Variants in RASAL2 observed in about 807,000 individuals in gnomAD.
The protein encoded by RASAL2 is RAS protein activator like 2.
Under a neutral mutation model 128.9 loss-of-function variants are expected in RASAL2, and 58 were observed. The ratio of observed to expected loss-of-function variants is 0.45; its 90% CI spans 0.36 to 0.56. The LOEUF (loss-of-function observed/expected upper bound fraction) is 0.56. RASAL2 is among the 20% of genes least tolerant of loss of function. The probability of loss-of-function intolerance (pLI) is 0.00; values close to 1 mark genes in which losing one functional copy is unlikely to be tolerated. For missense variants in RASAL2, 1,360 were observed against 1,601.6 expected (o/e 0.85, Z 2.57); for synonymous variants, 561 against 580.8 (o/e 0.97, Z 0.49).
At position 178,438,539 on chromosome 1, in the gene RASAL2, T is replaced by C. The variant is rs77890663; in HGVS notation, c.675-883T>C. Among the ~76,000 whole-genome samples the C allele has an allele frequency of 1.8e-3, 271 of 152,058 alleles. 3 individuals carry two copies. Among genetic ancestry groups the C allele is most frequent in the East Asian group, 8.4e-3 (43 of 5,146 alleles). On this transcript the variant is annotated intron_variant, in intron 5 of 17. Coordinates refer to ENST00000367649, the MANE Select transcript of RASAL2 (RefSeq NM_170692.4). ...CATCCAGTTTGGGATTCAAGAATAT[T>C]GTACTTACGTTTGACTCCTTTAATT...
chr1:178,456,400 C>A, intron 12 of RASAL2: 1 of 383,916 alleles, frequency 2.6e-6, no homozygotes, highest in Non-Finnish European at 4.9e-6. Context: ...TAGTTTGCTT[C>A]GCATGCCTAT....
intron 1 of RASAL2, among the ~76,000 whole-genome samples, chr1:178,115,634 A>T (rs1659497453): frequency 6.6e-6 from 1 of 152,226 alleles, no homozygotes; most frequent in South Asian, 2.1e-4. Context: ...GGCATAGTAT[A>T]AGGCTAGAGA....
At chr1:178,300,505 C>G (rs981223828) in intron 3 of RASAL2, among the ~76,000 whole-genome samples, 1 of 152,118 alleles carries the variant, frequency 6.6e-6, no homozygotes, top group Non-Finnish European at 1.5e-5. Context: ...GTGTCTTGTT[C>G]AGGTAGCTAC....
At chr1:178,424,510 G>C (rs1195073940) in intron 5 of RASAL2, among the ~76,000 whole-genome samples, 1 of 152,106 alleles carries the variant, frequency 6.6e-6, no homozygotes, top group Non-Finnish European at 1.5e-5. Context: ...CACCCAGGCT[G>C]GAGTGCAGTG....
chr1:178,236,218 G>T (rs924458850), intron 1 of RASAL2, among the ~76,000 whole-genome samples: 1 of 151,850 alleles, frequency 6.6e-6, no homozygotes, highest in South Asian at 2.1e-4. Context: ...TAAAGTTGTT[G>T]GTTTTTTAGA....
chr1:178,212,487 ACT>A (rs1663286329), intron 1 of RASAL2, among the ~76,000 whole-genome samples: 2 of 151,548 alleles, frequency 1.3e-5, no homozygotes, highest in African/African-American at 4.9e-5. Flanking sequence ...TAGACTTCTA[ACT>A]CTTTTTTTTT....
chr1:178,414,570 T>C (rs1674630988), intron 4 of RASAL2, among the ~76,000 whole-genome samples: 3 of 151,936 alleles, frequency 2.0e-5, no homozygotes, highest in African/African-American at 4.8e-5. Context: ...GGGAGGAACA[T>C]TGGAAATCTT....
At position 178,094,294 on chromosome 1, in the gene RASAL2, G is replaced by C. The variant is rs1171914968; in HGVS notation, c.-199G>C. ...CCTCCCGGCCTGGGTCCCGCCCGCCGACTGCAGGTGGGCTGCATCGCCCGA... is the reference window on the plus strand; with the variant it reads ...CCTCCCGGCCTGGGTCCCGCCCGCCCACTGCAGGTGGGCTGCATCGCCCGA... On this transcript the variant is annotated 5_prime_UTR_variant, in exon 1 of 18. Transcript: ENST00000367649. 10 of 552,626 alleles carry C rather than the reference G, an allele frequency of 1.8e-5. No individual in the cohort carries two copies. In the East Asian group the frequency reaches 3.0e-4, roughly 16 times the overall value. The allele number at this position is 552,626 out of a possible 1,614,324, so 34.2% of individuals were successfully genotyped here. A position where few individuals can be genotyped will look rare whatever the true frequency, so the allele number is the denominator to read the frequency against.
At chr1:178,152,952 A>T (rs561568183) in intron 1 of RASAL2, among the ~76,000 whole-genome samples, 2 of 152,182 alleles carry the variant, frequency 1.3e-5, no homozygotes, top group South Asian at 4.1e-4. Flanking sequence ...ATTAGTAATC[A>T]TTTCTTAAAA....
Position 178,439,561 on chromosome 1 carries a change from G to C in RASAL2, c.814G>C (p.Asp272His). The C allele has an allele frequency of 6.2e-7, 1 of 1,610,660 alleles. No homozygotes were observed. Among genetic ancestry groups the C allele is most frequent in the Non-Finnish European group, 8.5e-7 (1 of 1,178,602 alleles). ...ACTTCATAGTAGCATCCTTGGACAA[G>C]ACTTCTGCTTTGAGGTAAAAATAAA... ...KPLHSSILGQ[D>H]FCFEVTYLSG... is the part of the protein sequence containing the mutation. The change falls in exon 6 of 18, where the codon GAC (aspartate) becomes CAC (histidine). Residue 272 changes from aspartate to histidine, a missense_variant. This residue lies in a region of RASAL2 where 617 missense variants were observed against 714.2 expected (regional missense o/e 0.86). Coordinates refer to ENST00000367649, the MANE Select transcript of RASAL2 (RefSeq NM_170692.4).
chr1:178,111,829 A>G (rs1239370336), intron 1 of RASAL2, among the ~76,000 whole-genome samples: 1 of 152,160 alleles, frequency 6.6e-6, no homozygotes, highest in Non-Finnish European at 1.5e-5. Flanking sequence ...TCCCGGGTTC[A>G]AGCGATTCTC....
intron 3 of RASAL2, among the ~76,000 whole-genome samples, chr1:178,330,241 G>A (rs1322016996): frequency 6.6e-6 from 1 of 152,266 alleles, no homozygotes; most frequent in Non-Finnish European, 1.5e-5. Flanking sequence ...GCTAATGCTA[G>A]ATCATAATAT....
chr1:178,328,833 A>T (rs1306593648), intron 3 of RASAL2, among the ~76,000 whole-genome samples: 2 of 152,112 alleles, frequency 1.3e-5, no homozygotes, highest in Non-Finnish European at 2.9e-5. Context: ...GCTTTATACA[A>T]ATCACAATTA....
At chr1:178,270,712 A>C (rs1666206015) in intron 1 of RASAL2, among the ~76,000 whole-genome samples, 1 of 151,668 alleles carries the variant, frequency 6.6e-6, no homozygotes, top group African/African-American at 2.4e-5. Context: ...TCAGATTAAG[A>C]ATGGGAGATG....
chr1:178,353,602 C>T (rs1445618785), intron 3 of RASAL2, among the ~76,000 whole-genome samples: 1 of 152,206 alleles, frequency 6.6e-6, no homozygotes, highest in Non-Finnish European at 1.5e-5. Context: ...CCAGCTTCTA[C>T]CAGTTACCAA....
intron 3 of RASAL2, among the ~76,000 whole-genome samples, chr1:178,381,723 T>A (rs1672297646): frequency 1.3e-5 from 2 of 152,118 alleles, no homozygotes; most frequent in Non-Finnish European, 2.9e-5. Flanking sequence ...TGAATAAATC[T>A]ACCATTATAC....
At chr1:178,322,256 G>A (rs1329636234) in intron 3 of RASAL2, among the ~76,000 whole-genome samples, 2 of 151,932 alleles carry the variant, frequency 1.3e-5, no homozygotes, top group African/African-American at 4.8e-5. Flanking sequence ...CTTATGTCCT[G>A]CCTCACCGTA....
In RASAL2 at chr1:178,295,562, TAGG is replaced by T. The variant is rs150088239; in HGVS notation, c.331-4428_331-4426del. 1.4e-3 allele frequency among the ~76,000 whole-genome samples: 208 copies of T among 152,116 alleles called. 2 individuals are homozygous for T. In the East Asian group the frequency reaches 0.036, roughly 26 times the overall value. On this transcript the variant is annotated intron_variant, in intron 2 of 17. Coordinates refer to ENST00000367649, the MANE Select transcript of RASAL2 (RefSeq NM_170692.4). ...GACACTTTGAGATGCTTATCCATGA[TAGG>T]AAGGAGAGGAAACAACACCTTAAGG...
At chr1:178,264,823 C>T (rs1422455952) in intron 1 of RASAL2, among the ~76,000 whole-genome samples, 1 of 152,162 alleles carries the variant, frequency 6.6e-6, no homozygotes, top group Admixed American at 6.5e-5. Context: ...TTAGCTCAAT[C>T]TCCAGCCTCA....
Sources: allele counts gnomAD v4.1 joint callset (sites outside exome capture counted in the v4.1 genomes callset), GRCh38; gene constraint gnomAD v4.1.1; regional missense constraint gnomAD v4.1.1; transcripts MANE v1.5; gene names NCBI Gene and HGNC (gene_info 2026-07-23, HGNC 2026-07-21).